Variants in ARL14EPL observed in about 807,000 individuals in gnomAD.
ARL14EPL encodes the protein ARL14 effector protein-like.
A neutral mutation model predicts 15.9 loss-of-function variants in ARL14EPL; 17 were observed. That is an observed-to-expected ratio of 1.07 (90% CI 0.73 to 1.60). The LOEUF (loss-of-function observed/expected upper bound fraction) is 1.60, where lower values mean the gene tolerates loss of function less well. Ranked by LOEUF, ARL14EPL falls within the 40% of genes most tolerant of loss-of-function variation. The pLI is 0.00. For synonymous variants in ARL14EPL, 78 were observed against 63.8 expected (o/e 1.22, Z -1.06); for missense variants, 214 against 185.9 (o/e 1.15, Z -0.88).
chr5:116,036,081 G>A (rs1038498176), intron 1 of ARL14EPL, among the ~76,000 whole-genome samples: 10 of 152,166 alleles, frequency 6.6e-5, no homozygotes, highest in African/African-American at 2.4e-4. Context: ...ATTAAAAGGT[G>A]GTTTTGGAAT....
chr5:116,038,450 G>A (rs940055414), intron 1 of ARL14EPL, among the ~76,000 whole-genome samples: 1 of 152,146 alleles, frequency 6.6e-6, no homozygotes, highest in Non-Finnish European at 1.5e-5. Flanking sequence ...TTGCACTCTA[G>A]CTAGAATTTA....
chr5:116,042,230 C>T (rs543535904), intron 1 of ARL14EPL, among the ~76,000 whole-genome samples: 1 of 152,314 alleles, frequency 6.6e-6, no homozygotes, highest in South Asian at 2.1e-4. Context: ...ACTTGTGATG[C>T]ACATCTTGTG....
At chr5:116,049,475 A>T (rs1749330146) in intron 1 of ARL14EPL, among the ~76,000 whole-genome samples, 1 of 152,338 alleles carries the variant, frequency 6.6e-6, no homozygotes, top group South Asian at 2.1e-4. Flanking sequence ...AATTAAATTA[A>T]ATTAATTATT....
intron 1 of ARL14EPL, among the ~76,000 whole-genome samples, chr5:116,041,270 T>A (rs1427653414): frequency 6.6e-6 from 1 of 152,200 alleles, no homozygotes; most frequent in Non-Finnish European, 1.5e-5. Flanking sequence ...ATATATCCAC[T>A]GCTGAAGTAT....
At position 116,054,051 on chromosome 5, in the gene ARL14EPL, G is replaced by T; in HGVS notation, c.134G>T (p.Arg45Leu). ...CGGCAGTTAAAATGCTTGGCATTTC[G>T]AAACCCTGGACCACAGGTAGCAGAC... ...IERQLKCLAFRNPGPQVADFN... is the reference protein window; with the variant it reads ...IERQLKCLAFLNPGPQVADFN... The change falls in exon 3 of 4, where the codon CGA becomes CTA. Residue 45 changes from arginine to leucine, a missense_variant. Arg to Leu is a moderately radical substitution (Grantham distance 102). Coordinates refer to ENST00000686077, the MANE Select transcript of ARL14EPL (RefSeq NM_001195581.2). The T allele has an allele frequency of 6.5e-7, 1 of 1,535,234 alleles. No individual in the cohort carries two copies. The highest frequency in any genetic ancestry group is 8.7e-7 in the Non-Finnish European group (1 of 1,146,466).
intron 1 of ARL14EPL, among the ~76,000 whole-genome samples, chr5:116,048,736 G>A (rs1307397544): frequency 6.6e-6 from 1 of 152,032 alleles, no homozygotes; most frequent in Non-Finnish European, 1.5e-5. Context: ...CCAAGTGTGG[G>A]TATGACAGAA....
At chr5:116,038,602 A>G (rs566337786) in intron 1 of ARL14EPL, among the ~76,000 whole-genome samples, 1 of 152,172 alleles carries the variant, frequency 6.6e-6, no homozygotes, top group East Asian at 1.9e-4. Flanking sequence ...CAATGCAGAC[A>G]AGAATTTTAA....
chr5:116,047,428 C>T (rs1749294667), intron 1 of ARL14EPL, among the ~76,000 whole-genome samples: 2 of 152,218 alleles, frequency 1.3e-5, no homozygotes, highest in African/African-American at 4.8e-5. Flanking sequence ...CTAAATCTGA[C>T]ATCCAAACCC....
At chr5:116,055,257 C>T (rs969408141) in intron 3 of ARL14EPL, among the ~76,000 whole-genome samples, 1 of 152,140 alleles carries the variant, frequency 6.6e-6, no homozygotes, top group African/African-American at 2.4e-5. Context: ...TTAAAAACAG[C>T]TCAGTGTTAC....
At chr5:116,039,760 A>G (rs548101185) in intron 1 of ARL14EPL, among the ~76,000 whole-genome samples, 1 of 152,334 alleles carries the variant, frequency 6.6e-6, no homozygotes, top group Admixed American at 6.5e-5. Context: ...ACAAATAAAC[A>G]GTATTATGAA....
intron 3 of ARL14EPL, among the ~76,000 whole-genome samples, chr5:116,058,472 C>G (rs1423863974): frequency 6.6e-6 from 1 of 152,158 alleles, no homozygotes; most frequent in Non-Finnish European, 1.5e-5. Context: ...CTCTAGATGA[C>G]AAGCCTGGCT....
chr5:116,035,294 C>A (rs1028105162), intron 1 of ARL14EPL, among the ~76,000 whole-genome samples: 1 of 152,208 alleles, frequency 6.6e-6, no homozygotes, highest in Non-Finnish European at 1.5e-5. Context: ...ACTTGGTCCG[C>A]GAGGACACTT....
rs116161843 is a variant in ARL14EPL, at chr5:116,043,084, C to T, written c.-9-8373C>T. Reference sequence around the variant, plus strand: ...TATTTCACAGCTATAAACAGTGCTGCAATGGATAAGCTTATGAATTGTGTC... The same window carrying T: ...TATTTCACAGCTATAAACAGTGCTGTAATGGATAAGCTTATGAATTGTGTC... On this transcript the variant is annotated intron_variant, in intron 1 of 3. Coordinates refer to ENST00000686077, the MANE Select transcript of ARL14EPL (RefSeq NM_001195581.2). Among the ~76,000 whole-genome samples, 1,440 of 152,098 alleles carry T rather than the reference C, an allele frequency of 9.5e-3. 41 individuals carry two copies. The highest frequency in any genetic ancestry group is 0.033 in the African/African-American group (1,385 of 41,498).
chr5:116,057,021 C>A (rs1749532554), intron 3 of ARL14EPL, among the ~76,000 whole-genome samples: 1 of 152,178 alleles, frequency 6.6e-6, no homozygotes, highest in Non-Finnish European at 1.5e-5. Context: ...ATGCAAATAT[C>A]CTCAATAAAA....
At position 116,036,708 on chromosome 5, in the gene ARL14EPL, A is replaced by G. The variant is rs572924564; in HGVS notation, c.-10+4203A>G. Among the ~76,000 whole-genome samples, 7 of 152,324 alleles carry G rather than the reference A, an allele frequency of 4.6e-5. No homozygotes were observed. In the East Asian group the frequency reaches 1.3e-3, roughly 29 times the overall value. ...AAATATAACCTAGAAATATGCTTAC[A>G]TGTCTCCTGAAACCTCACATTAGCT... On this transcript the variant is annotated intron_variant, in intron 1 of 3. Transcript: ENST00000686077.
chr5:116,038,002 A>T (rs116510685), intron 1 of ARL14EPL, among the ~76,000 whole-genome samples: 3 of 152,186 alleles, frequency 2.0e-5, no homozygotes, highest in Non-Finnish European at 1.5e-5. Context: ...TAAGGTTTGC[A>T]TTGCCTATCA....
chr5:116,039,589 G>A (rs577239992), intron 1 of ARL14EPL, among the ~76,000 whole-genome samples: 2 of 151,854 alleles, frequency 1.3e-5, no homozygotes, highest in African/African-American at 4.8e-5. Flanking sequence ...CTCACATTAA[G>A]GGGAAAAAAA....
intron 1 of ARL14EPL, among the ~76,000 whole-genome samples, chr5:116,038,206 C>T (rs575609871): frequency 2.6e-5 from 4 of 152,214 alleles, no homozygotes; most frequent in South Asian, 4.1e-4. Flanking sequence ...GCATGAGTAC[C>T]AATGTCCTAG....
chr5:116,035,282 C>G, intron 1 of ARL14EPL, among the ~76,000 whole-genome samples: 1 of 152,220 alleles, frequency 6.6e-6, no homozygotes, highest in East Asian at 1.9e-4. Context: ...AACAAAGCAG[C>G]CACTTGGTCC....
Sources: allele counts gnomAD v4.1 joint callset (sites outside exome capture counted in the v4.1 genomes callset), GRCh38; gene constraint gnomAD v4.1.1; transcripts MANE v1.5; gene names NCBI Gene and HGNC (gene_info 2026-07-23, HGNC 2026-07-21).